CFAP91: variants seen among roughly 807,000 people sequenced by gnomAD.
CFAP91 encodes cilia and flagella associated protein 91.
Under a neutral mutation model 95.9 loss-of-function variants are expected in CFAP91, and 85 were observed. That is an observed-to-expected ratio of 0.89 (90% CI 0.74 to 1.06). The LOEUF (loss-of-function observed/expected upper bound fraction) is 1.06, where lower values mean the gene tolerates loss of function less well. Ranked by LOEUF, CFAP91 falls within the 50% of genes least tolerant of loss-of-function variation. The pLI, the probability that CFAP91 is intolerant of heterozygous loss-of-function variation, is 0.00. For synonymous variants in CFAP91, 335 were observed against 327.5 expected (o/e 1.02, Z -0.25); for missense variants, 962 against 943.4 (o/e 1.02, Z -0.26).
At position 119,766,405 on chromosome 3, in the gene CFAP91, CCT is replaced by C. The variant is rs1169781366; in HGVS notation, c.*1356_*1357del. 2 of 151,724 alleles carry C rather than the reference CCT, an allele frequency of 1.3e-5. No homozygotes were observed. Among genetic ancestry groups the C allele is most frequent in the Non-Finnish European group, 2.9e-5 (2 of 67,938 alleles). 9.4% of individuals were successfully genotyped at this position (151,724 alleles called of 1,614,324 possible). A position where few individuals can be genotyped will look rare whatever the true frequency, so the allele number is the denominator to read the frequency against. ...TAGGATTGGGACACCTTTTTTTCCC[CCT>C]GAGGATCACTGACAAAAAACACTGC... On this transcript the variant is annotated 3_prime_UTR_variant, in exon 18 of 18. Transcript: ENST00000273390.
At chr3:119,741,474 G>A (rs888885600) in intron 13 of CFAP91, among the ~76,000 whole-genome samples, 1 of 152,140 alleles carries the variant, frequency 6.6e-6, no homozygotes, top group African/African-American at 2.4e-5. Flanking sequence ...CATGATATGT[G>A]GTGACTTTCG....
At chr3:119,703,921 C>T (rs1236853236) in intron 1 of CFAP91, among the ~76,000 whole-genome samples, 2 of 151,536 alleles carry the variant, frequency 1.3e-5, no homozygotes, top group Admixed American at 6.6e-5. Context: ...GTGGCAAGAA[C>T]TGTAACCAGC....
rs199596888 is a variant in CFAP91, at chr3:119,707,552, A to C, written c.350A>C (p.Gln117Pro). The C allele has an allele frequency of 8.9e-6, 14 of 1,573,198 alleles. No homozygotes were observed. The East Asian group carries it at 3.2e-4, about 35-fold the overall frequency. The change falls in exon 3 of 18, where the codon CAG (glutamine) becomes CCG (proline). Residue 117 changes from glutamine (Q) to proline (P), a missense_variant. Gln to Pro is a moderately conservative substitution (Grantham distance 76). Coordinates refer to ENST00000273390, the MANE Select transcript of CFAP91 (RefSeq NM_033364.4). ...HKEKHREALR[Q>P]LTTTDASFQM... ...GAGAAACACAGAGAAGCCCTCCGGCAGCTCACCACGTAAGTGTCGGGTGGC... is the reference window on the plus strand; with the variant it reads ...GAGAAACACAGAGAAGCCCTCCGGCCGCTCACCACGTAAGTGTCGGGTGGC...
At chr3:119,730,466 T>G in intron 8 of CFAP91, 89 bp downstream of exon 8, 1 of 1,348,972 alleles carries the variant, frequency 7.4e-7, no homozygotes, top group Non-Finnish European at 1.0e-6. Flanking sequence ...ATGATATAAT[T>G]CTGTTTTGGT....
chr3:119,716,490 A>T (rs988558735), intron 6 of CFAP91, among the ~76,000 whole-genome samples: 4 of 152,252 alleles, frequency 2.6e-5, no homozygotes. Context: ...AGCTGTGATC[A>T]AGTCTGCGTC....
rs1010499390 is a variant in CFAP91, at chr3:119,739,315, G to T, written c.1522G>T (p.Val508Phe). 1 of 1,613,952 alleles carries T rather than the reference G, an allele frequency of 6.2e-7. No individual in the cohort carries two copies. Among genetic ancestry groups the T allele is most frequent in the African/African-American group, 1.3e-5 (1 of 74,916 alleles). The change falls in exon 12 of 18, where the codon GTT (valine) becomes TTT (phenylalanine). Residue 508 changes from valine (V) to phenylalanine (F), a missense_variant. Coordinates refer to ENST00000273390, the MANE Select transcript of CFAP91 (RefSeq NM_033364.4). Reference sequence around the variant, plus strand: ...TCAAAAGTTACTCCGGGGCAGAGTCGTTCAGAACATGGTGTGTAGGTCCAA... The same window carrying T: ...TCAAAAGTTACTCCGGGGCAGAGTCTTTCAGAACATGGTGTGTAGGTCCAA... The part of the protein sequence containing the change: ...YLQKLLRGRV[V>F]QNMMFEGKEK...
intron 5 of CFAP91, among the ~76,000 whole-genome samples, chr3:119,712,831 TG>T (rs1199350833): frequency 3.9e-5 from 6 of 151,980 alleles, no homozygotes; most frequent in Non-Finnish European, 8.8e-5. Flanking sequence ...GGTGGGCACC[TG>T]TAATCCCAGC....
At chr3:119,733,585 A>C (rs1380569474) in intron 10 of CFAP91, 79 bp downstream of exon 10, 3 of 1,455,962 alleles carry the variant, frequency 2.1e-6, no homozygotes, top group Non-Finnish European at 2.8e-6. Flanking sequence ...AATTGCAGCA[A>C]TGTCCAGTGG....
chr3:119,766,719 G>T lies in CFAP91; in HGVS notation c.*1669G>T, dbSNP rs1320502859. ...CCGTTGTAGGGTAAGAGCAGCACTC[G>T]ATGACACAGAAATGAATGCACATGA... On this transcript the variant is annotated 3_prime_UTR_variant, in exon 18 of 18. Transcript: ENST00000273390. The T allele has an allele frequency of 6.6e-6, 1 of 152,136 alleles. No homozygotes were observed. The highest frequency in any genetic ancestry group is 1.5e-5 in the Non-Finnish European group (1 of 68,016). The allele number at this position is 152,136 out of a possible 1,614,324, so 9.4% of individuals were successfully genotyped here. A position where few individuals can be genotyped will look rare whatever the true frequency, so the allele number is the denominator to read the frequency against.
chr3:119,718,395 T>C (rs2107867524), intron 6 of CFAP91, among the ~76,000 whole-genome samples: 1 of 152,314 alleles, frequency 6.6e-6, no homozygotes, highest in Non-Finnish European at 1.5e-5. Context: ...TGGACACATA[T>C]TCCACAATGC....
At chr3:119,715,347 C>T (rs1441301338) in intron 5 of CFAP91, 1 of 679,046 alleles carries the variant, frequency 1.5e-6, no homozygotes, top group Non-Finnish European at 2.7e-6. Flanking sequence ...TACTTTGACC[C>T]ACTTAGTTTC....
At chr3:119,717,554 T>G (rs866467383) in intron 6 of CFAP91, among the ~76,000 whole-genome samples, 2,233 of 151,582 alleles carry the variant, frequency 0.015, 33 homozygotes, top group Middle Eastern at 0.049. Context: ...ACGTTGGTTT[T>G]TTTTTTTTTT....
At chr3:119,711,515 A>G (rs1284248429) in intron 5 of CFAP91, among the ~76,000 whole-genome samples, 3 of 152,140 alleles carry the variant, frequency 2.0e-5, no homozygotes, top group African/African-American at 7.2e-5. Flanking sequence ...GACCTCCCCA[A>G]CTCCTCCCTA....
At chr3:119,718,363 AT>A (rs1429484793) in intron 6 of CFAP91, among the ~76,000 whole-genome samples, 1 of 152,242 alleles carries the variant, frequency 6.6e-6, no homozygotes, top group African/African-American at 2.4e-5. Context: ...TGAAGAGCAA[AT>A]TAGTGAAATG....
chr3:119,727,087 C>A (rs1044261122), intron 7 of CFAP91, among the ~76,000 whole-genome samples: 1 of 152,138 alleles, frequency 6.6e-6, no homozygotes, highest in Admixed American at 6.5e-5. Flanking sequence ...AACTCTCTAG[C>A]AAGAACAAAG....
rs77975128 is a variant in CFAP91 at position 119,740,685 on chromosome 3, A to C, written c.1670A>C (p.His557Pro). Residue 557 changes from histidine (H) to proline (P), a missense_variant, in exon 13 of 18, where the codon CAT becomes CCT. Physicochemically the swap from His to Pro is moderately conservative, Grantham distance 77 (BLOSUM62 -2). Transcript: ENST00000273390. ...GCCTTACAGCGGCAGAGGAACTTGC[A>C]TGAGCACAAGGTTTTCCTTTTTTTG... ...TLALQRQRNL[H>P]EHKVSLVENH... The C allele has an allele frequency of 6.2e-7, 1 of 1,614,064 alleles. No individual in the cohort carries two copies. Among genetic ancestry groups the C allele is most frequent in the East Asian group, 2.2e-5 (1 of 44,876 alleles).
chr3:119,717,994 C>T (rs1434175845), intron 6 of CFAP91, among the ~76,000 whole-genome samples: 1 of 152,056 alleles, frequency 6.6e-6, no homozygotes, highest in African/African-American at 2.4e-5. Context: ...GAGCAGGGTT[C>T]TAAGAATGAA....
At chr3:119,742,990 A>G (rs2054148905) in intron 13 of CFAP91, among the ~76,000 whole-genome samples, 1 of 152,206 alleles carries the variant, frequency 6.6e-6, no homozygotes, top group Non-Finnish European at 1.5e-5. Context: ...TTGCAAAGTC[A>G]TCTTAAACAC....
At chr3:119,704,137 G>C (rs1359173727) in intron 1 of CFAP91, among the ~76,000 whole-genome samples, 1 of 152,124 alleles carries the variant, frequency 6.6e-6, no homozygotes, top group Non-Finnish European at 1.5e-5. Context: ...TCTTGGTTTT[G>C]TGAAATAAAT....
Sources: allele counts gnomAD v4.1 joint callset (sites outside exome capture counted in the v4.1 genomes callset), GRCh38; gene constraint gnomAD v4.1.1; transcripts MANE v1.5; gene names NCBI Gene and HGNC (gene_info 2026-07-23, HGNC 2026-07-21).